The following PRUNE2 variants were observed in gnomAD, a reference collection of about 807,000 sequenced individuals.
PRUNE2 encodes protein prune homolog 2.
PRUNE2 carries 164 observed loss-of-function variants against 252.0 expected under a neutral mutation model. That is an observed-to-expected ratio of 0.65 (90% CI 0.57 to 0.74). The LOEUF is 0.74. PRUNE2 is among the 30% of genes least tolerant of loss of function. The probability of loss-of-function intolerance (pLI) is 0.00; values close to 1 mark genes in which losing one functional copy is unlikely to be tolerated. For missense variants in PRUNE2, 3,495 were observed against 3,711.0 expected (o/e 0.94, Z 1.51); for synonymous variants, 1,292 against 1,350.2 (o/e 0.96, Z 0.94).
At chr9:76,774,950 A>T (rs892095474) in intron 6 of PRUNE2, among the ~76,000 whole-genome samples, 4 of 152,188 alleles carry the variant, frequency 2.6e-5, no homozygotes, top group African/African-American at 7.2e-5. Context: ...ATGTAATGGG[A>T]ACACTAATAT....
chr9:76,853,580 G>A (rs2060084482), intron 2 of PRUNE2, among the ~76,000 whole-genome samples: 1 of 152,174 alleles, frequency 6.6e-6, no homozygotes, highest in Non-Finnish European at 1.5e-5. Context: ...TGATCTCGCT[G>A]TACAAAATCA....
At chr9:76,839,194 G>A (rs1374035468) in intron 4 of PRUNE2, among the ~76,000 whole-genome samples, 1 of 152,128 alleles carries the variant, frequency 6.6e-6, no homozygotes, top group East Asian at 1.9e-4. Flanking sequence ...CATAAAAATA[G>A]AGAGCACATA....
intron 6 of PRUNE2, 68 bp from the exon 7 acceptor site, chr9:76,713,789 T>A: frequency 8.6e-7 from 1 of 1,157,258 alleles, no homozygotes; most frequent in Non-Finnish European, 1.2e-6. Flanking sequence ...GTTCCACAAA[T>A]TTGTCCAGTC....
chr9:76,756,700 G>C (rs2051184473), intron 6 of PRUNE2, among the ~76,000 whole-genome samples: 1 of 152,250 alleles, frequency 6.6e-6, no homozygotes, highest in African/African-American at 2.4e-5. Context: ...TTATTAAAAA[G>C]TGGGAAACAG....
At chr9:76,758,213 G>C (rs11145048) in intron 6 of PRUNE2, among the ~76,000 whole-genome samples, 1 of 152,124 alleles carries the variant, frequency 6.6e-6, no homozygotes, top group Non-Finnish European at 1.5e-5. Context: ...CAGTATTAAC[G>C]CATAAAACTG....
intron 1 of PRUNE2, among the ~76,000 whole-genome samples, chr9:76,887,168 T>A (rs183472876): frequency 4.8e-4 from 73 of 152,270 alleles, no homozygotes; most frequent in African/African-American, 1.7e-3. Flanking sequence ...CCTAAAGGAA[T>A]TCACCTAGCT....
intron 6 of PRUNE2, among the ~76,000 whole-genome samples, chr9:76,799,096 T>C (rs1433457098): frequency 1.3e-5 from 2 of 152,192 alleles, no homozygotes; most frequent in Non-Finnish European, 2.9e-5. Flanking sequence ...ATCCCAGCAC[T>C]TTGGGAGGCC....
chr9:76,805,454 C>T (rs566962319), intron 6 of PRUNE2, among the ~76,000 whole-genome samples: 1 of 152,074 alleles, frequency 6.6e-6, no homozygotes, highest in Non-Finnish European at 1.5e-5. Flanking sequence ...GACCTCATCC[C>T]TACAAATAAT....
At chr9:76,697,655 C>A (rs1387854748) in intron 9 of PRUNE2, among the ~76,000 whole-genome samples, 1 of 152,186 alleles carries the variant, frequency 6.6e-6, no homozygotes, top group Non-Finnish European at 1.5e-5. Context: ...AAAACATCAA[C>A]CTATAGAAGC....
intron 9 of PRUNE2, among the ~76,000 whole-genome samples, chr9:76,688,233 G>C (rs2044310796): frequency 2.0e-5 from 3 of 152,184 alleles, no homozygotes; most frequent in Admixed American, 2.0e-4. Context: ...AGTAGATACA[G>C]AGGTCTGCAG....
intron 1 of PRUNE2, among the ~76,000 whole-genome samples, chr9:76,886,367 TC>T (rs1306760098): frequency 6.6e-6 from 1 of 152,168 alleles, no homozygotes; most frequent in Non-Finnish European, 1.5e-5. Flanking sequence ...CTTGTTCTTT[TC>T]CTTTCACCTT....
intron 6 of PRUNE2, among the ~76,000 whole-genome samples, chr9:76,768,383 G>A (rs2052668461): frequency 6.6e-6 from 1 of 151,936 alleles, no homozygotes; most frequent in Non-Finnish European, 1.5e-5. Context: ...AGTAGTGACG[G>A]GGGTTCACCA....
intron 1 of PRUNE2, among the ~76,000 whole-genome samples, chr9:76,874,412 C>T (rs191141475): frequency 1.3e-5 from 2 of 151,862 alleles, no homozygotes; most frequent in Non-Finnish European, 2.9e-5. Context: ...ATTTTGTTAC[C>T]GATGGAAAGA....
At chr9:76,725,219 CTT>C (rs2048006307) in intron 6 of PRUNE2, among the ~76,000 whole-genome samples, 1 of 152,230 alleles carries the variant, frequency 6.6e-6, no homozygotes, top group East Asian at 1.9e-4. Flanking sequence ...CTCCAGAGCA[CTT>C]TCTGCACGTG....
At chr9:76,890,478 T>C (rs987901838) in intron 1 of PRUNE2, among the ~76,000 whole-genome samples, 10 of 152,218 alleles carry the variant, frequency 6.6e-5, no homozygotes, top group Non-Finnish European at 1.0e-4. Flanking sequence ...AGCAGAAGTA[T>C]ATTCAGAAAG....
At chr9:76,676,024 C>A (rs2042488963) in intron 9 of PRUNE2, among the ~76,000 whole-genome samples, 1 of 149,788 alleles carries the variant, frequency 6.7e-6, no homozygotes, top group Admixed American at 6.7e-5. Context: ...ATGTAACTAA[C>A]CTGCACAATG....
intron 9 of PRUNE2, chr9:76,692,981 C>T (rs2044934181): frequency 7.0e-6 from 1 of 142,264 alleles, no homozygotes; most frequent in Non-Finnish European, 1.5e-5. Flanking sequence ...AGACTCCCTC[C>T]ACCCCCTCCC....
intron 9 of PRUNE2, among the ~76,000 whole-genome samples, chr9:76,675,122 C>A (rs1179178407): frequency 1.0e-5 from 1 of 100,438 alleles, no homozygotes; most frequent in African/African-American, 3.1e-5. Flanking sequence ...TCAGAGTGAA[C>A]AGGCAACCTA....
intron 9 of PRUNE2, among the ~76,000 whole-genome samples, 157 bp downstream of exon 9, chr9:76,703,180 T>C (rs894507388): frequency 2.0e-5 from 3 of 151,846 alleles, no homozygotes; most frequent in African/African-American, 7.3e-5. Flanking sequence ...GTTATAGTTA[T>C]CTAGTAGCTG....
Sources: gnomAD v4.1 joint callset for allele counts (sites outside exome capture counted in the v4.1 genomes callset) on GRCh38, gnomAD v4.1.1 for gene constraint, MANE v1.5 for transcripts, NCBI Gene and HGNC (gene_info 2026-07-23, HGNC 2026-07-21) for gene names.